SIK3: variants seen among roughly 807,000 people sequenced by gnomAD.
The protein encoded by SIK3 is serine/threonine-protein kinase SIK3.
SIK3 carries 28 observed loss-of-function variants against 144.2 expected under a neutral mutation model. The observed-to-expected ratio is 0.19, with a 90% CI of 0.14 to 0.27. The LOEUF (loss-of-function observed/expected upper bound fraction) is 0.27, where lower values mean the gene tolerates loss of function less well. Among genes scored for constraint, SIK3 ranks in the 10% least tolerant of loss-of-function variants. SIK3 has a pLI of 1.00. For missense variants in SIK3, 1,319 were observed against 1,776.0 expected, an observed-to-expected ratio of 0.74 and a Z score of 4.62; for synonymous variants, 686 against 676.3, an observed-to-expected ratio of 1.01 and a Z score of -0.22.
chr11:116,856,155 C>T (rs892428776), intron 21 of SIK3, among the ~76,000 whole-genome samples: 3 of 150,772 alleles, frequency 2.0e-5, no homozygotes, highest in Admixed American at 6.6e-5. Context: ...TGAGATCGCA[C>T]CACTGCACTC....
At chr11:116,885,089 G>A (rs1407216229) in intron 6 of SIK3, among the ~76,000 whole-genome samples, 2 of 152,142 alleles carry the variant, frequency 1.3e-5, no homozygotes, top group Non-Finnish European at 2.9e-5. Flanking sequence ...AGTGGTTTCT[G>A]CAAATTATTG....
intron 1 of SIK3, among the ~76,000 whole-genome samples, chr11:117,012,245 A>G (rs1373584344): frequency 6.6e-6 from 1 of 152,120 alleles, no homozygotes; most frequent in Non-Finnish European, 1.5e-5. Flanking sequence ...AAGTGTTGGG[A>G]TTATAGGCAT....
At chr11:116,948,541 T>C (rs556497771) in intron 3 of SIK3, among the ~76,000 whole-genome samples, 1 of 152,282 alleles carries the variant, frequency 6.6e-6, no homozygotes, top group Non-Finnish European at 1.5e-5. Flanking sequence ...CATACCAAAG[T>C]GCTGGGATTA....
chr11:116,986,580 T>C (rs1219911181), intron 1 of SIK3, among the ~76,000 whole-genome samples: 2 of 152,214 alleles, frequency 1.3e-5, no homozygotes, highest in Admixed American at 6.5e-5. Context: ...TTTATGTATC[T>C]ATACATTGTC....
rs367659440 is a variant in SIK3, at chr11:116,988,423, A to G, written c.274-31359T>C. Among the ~76,000 whole-genome samples, 3 of 151,976 alleles carry G rather than the reference A, an allele frequency of 2.0e-5. No individual in the cohort carries two copies. In the East Asian group the frequency reaches 5.8e-4, roughly 29 times the overall value. On this transcript the variant is annotated intron_variant, in intron 1 of 24. Transcript: ENST00000445177. ...AAAAAGAAAAATGAAGTAACTTTCT[A>G]ATGATAATTTTTAAAAGAACACATT...
intron 1 of SIK3, among the ~76,000 whole-genome samples, chr11:117,011,308 G>A (rs956229009): frequency 2.0e-5 from 3 of 152,150 alleles, no homozygotes; most frequent in African/African-American, 4.8e-5. Flanking sequence ...AACCACAGCG[G>A]AGTGAGAAGG....
At chr11:116,990,819 A>G (rs1208231164) in intron 1 of SIK3, among the ~76,000 whole-genome samples, 1 of 152,166 alleles carries the variant, frequency 6.6e-6, no homozygotes, top group African/African-American at 2.4e-5. Flanking sequence ...ACAAACCAAT[A>G]ACTTCCTAAT....
intron 6 of SIK3, among the ~76,000 whole-genome samples, chr11:116,891,734 G>A (rs1179105372): frequency 6.6e-6 from 1 of 152,168 alleles, no homozygotes; most frequent in Non-Finnish European, 1.5e-5. Flanking sequence ...TTATATGTTT[G>A]TGTTCTGGAA....
chr11:116,881,128 AAAATAAATAAATAAAAT>A (rs1230065310), intron 6 of SIK3, among the ~76,000 whole-genome samples: 1 of 152,094 alleles, frequency 6.6e-6, no homozygotes, highest in Non-Finnish European at 1.5e-5. Flanking sequence ...CGTCTCTAAA[AAAATAAATAAATAAAAT>A]AAATAAATAA....
chr11:116,944,834 C>A (rs1948501239), intron 3 of SIK3, among the ~76,000 whole-genome samples: 1 of 152,180 alleles, frequency 6.6e-6, no homozygotes, highest in Non-Finnish European at 1.5e-5. Context: ...GGAGACTATG[C>A]TCTCTTAGTC....
chr11:116,916,732 G>A (rs1315917565), intron 4 of SIK3, among the ~76,000 whole-genome samples: 7 of 150,428 alleles, frequency 4.7e-5, no homozygotes, highest in South Asian at 2.1e-4. Flanking sequence ...GGATGGTCTC[G>A]ATCTCCTGAC....
At chr11:116,860,642 T>A (rs1285676829) in intron 19 of SIK3, among the ~76,000 whole-genome samples, 1 of 152,256 alleles carries the variant, frequency 6.6e-6, no homozygotes, top group Admixed American at 6.5e-5. Flanking sequence ...AACTATTTTG[T>A]GCCAGAGACT....
chr11:116,937,461 G>C (rs890484831), intron 3 of SIK3, among the ~76,000 whole-genome samples: 1 of 152,162 alleles, frequency 6.6e-6, no homozygotes, highest in East Asian at 1.9e-4. Flanking sequence ...AAAATCAGTA[G>C]ATTACGGTAC....
At chr11:117,048,384 C>T (rs889426084) in intron 1 of SIK3, among the ~76,000 whole-genome samples, 4 of 152,126 alleles carry the variant, frequency 2.6e-5, no homozygotes, top group East Asian at 1.9e-4. Flanking sequence ...AGGCTGGACG[C>T]GGTGGCTCAC....
rs1042640092 is a variant in SIK3, at chr11:116,952,334, C to T, written c.454+1710G>A. On this transcript the variant is annotated intron_variant, in intron 3 of 24. Coordinates refer to ENST00000445177, the MANE Select transcript of SIK3 (RefSeq NM_001366686.3). ...GGAGGATCACTTGAGCCCAGGAGTT[C>T]GAGGCTGCAGTGAGCTAGGATTGCA... is the stretch of plus-strand genomic sequence containing the variant. Among the ~76,000 whole-genome samples the T allele has an allele frequency of 4.6e-5, 7 of 152,228 alleles. No individual in the cohort carries two copies. In the East Asian group the frequency reaches 1.3e-3, roughly 29 times the overall value.
intron 4 of SIK3, among the ~76,000 whole-genome samples, chr11:116,924,992 T>A (rs1435482032): frequency 1.3e-5 from 2 of 152,018 alleles, no homozygotes; most frequent in East Asian, 3.9e-4. Context: ...TGATTAAAGA[T>A]CTTAAAATGG....
At chr11:117,091,176 G>A (rs57582454) in intron 1 of SIK3, among the ~76,000 whole-genome samples, 45,772 of 146,472 alleles carry the variant, frequency 0.31, 9,359 homozygotes, top group African/African-American at 0.59. Flanking sequence ...TTAAAAGTCC[G>A]TAAAATCCTG....
intron 15 of SIK3, chr11:116,864,677 G>C (rs181623723): frequency 6.6e-6 from 1 of 152,390 alleles, no homozygotes; most frequent in African/African-American, 2.4e-5. Context: ...GCTGAGGTAA[G>C]CAGATAAAAG....
In SIK3 at chr11:116,911,508, C is replaced by CA. The variant is rs555272351; in HGVS notation, c.617-14192dup. Among the ~76,000 whole-genome samples, 1,016 of 126,896 alleles carry CA rather than the reference C, an allele frequency of 8.0e-3. 4 individuals carry two copies. Among genetic ancestry groups the CA allele is most frequent in the African/African-American group, 9.7e-3 (330 of 33,894 alleles). 83.2% of individuals were successfully genotyped at this position (126,896 alleles called of 152,430 possible). A position where few individuals can be genotyped will look rare whatever the true frequency, so the allele number is the denominator to read the frequency against. On this transcript the variant is annotated intron_variant, in intron 4 of 24. Transcript: ENST00000445177. ...GGCAAGACAGAGCCAGACTCTGTCT[C>CA]AAAAAAAAAAAATGATGACTATATG...
Sources: allele counts gnomAD v4.1 joint callset (sites outside exome capture counted in the v4.1 genomes callset), GRCh38; gene constraint gnomAD v4.1.1; transcripts MANE v1.5; gene names NCBI Gene and HGNC (gene_info 2026-07-23, HGNC 2026-07-21).